ADAMTS17: variants seen among roughly 807,000 people sequenced by gnomAD.
ADAMTS17 encodes ADAM metallopeptidase with thrombospondin type 1 motif 17, also known as A disintegrin and metalloproteinase with thrombospondin motifs 17.
A neutral mutation model predicts 141.5 loss-of-function variants in ADAMTS17; 113 were observed. The observed-to-expected ratio is 0.80, with a 90% CI of 0.69 to 0.93. ADAMTS17 has a LOEUF of 0.93. ADAMTS17 is among the 40% of genes least tolerant of loss of function. The pLI is 0.00. For missense variants in ADAMTS17, 1,659 were observed against 1,517.9 expected, an observed-to-expected ratio of 1.09 and a Z score of -1.54; for synonymous variants, 768 against 630.6, an observed-to-expected ratio of 1.22 and a Z score of -3.27.
chr15:100,340,609 C>T (rs2046333854), intron 2 of ADAMTS17, among the ~76,000 whole-genome samples: 1 of 152,170 alleles, frequency 6.6e-6, no homozygotes, highest in South Asian at 2.1e-4. Context: ...CCCCCACCTC[C>T]AAGTCCAAGA....
At position 100,133,255 on chromosome 15, in the gene ADAMTS17, G is replaced by C. The variant is rs1400209238; in HGVS notation, c.1534C>G (p.Leu512Val). The C allele has an allele frequency of 1.3e-6, 2 of 1,600,004 alleles. No individual in the cohort carries two copies. The highest frequency in any genetic ancestry group is 1.7e-6 in the Non-Finnish European group (2 of 1,172,196). Residue 512 changes from leucine (L) to valine (V), a missense_variant, in exon 11 of 22, where the codon CTG becomes GTG. Physicochemically the swap from Leu to Val is conservative, Grantham distance 32. Coordinates refer to ENST00000268070, the MANE Select transcript of ADAMTS17 (RefSeq NM_139057.4). ...TCGGTGCCATCCAGGGGAGGGTCCA[G>C]CTTGGTCTTGCAGGATGTGTCTCCT... ...VEGDTSCKTK[L>V]DPPLDGTECG...
chr15:100,238,414 T>C lies in ADAMTS17; in HGVS notation c.1075+15722A>G, dbSNP rs373044973. Among the ~76,000 whole-genome samples, 84 of 152,320 alleles carry C rather than the reference T, an allele frequency of 5.5e-4. 1 individual carries two copies. The South Asian group carries it at 0.016, about 28-fold the overall frequency. ...AACGGCCTTTGTTTGGTGCCTTGAGTGTCCCCAGGGCTGGAGCCGGGCCTG... is the reference window on the plus strand; with the variant it reads ...AACGGCCTTTGTTTGGTGCCTTGAGCGTCCCCAGGGCTGGAGCCGGGCCTG... On this transcript the variant is annotated intron_variant, in intron 7 of 21. Transcript: ENST00000268070.
rs55746146 is a variant in ADAMTS17 at position 100,337,888 on chromosome 15, C to T, written c.450+3151G>A. Among the ~76,000 whole-genome samples the T allele has an allele frequency of 3.9e-3, 593 of 152,334 alleles. 7 individuals carry two copies. Among genetic ancestry groups the T allele is most frequent in the African/African-American group, 0.013 (545 of 41,570 alleles). ...CTACCTATGAAGTTCAGCCTGATTC[C>T]AATTCCACTGGCCTTCCACGATCCA... is the stretch of plus-strand genomic sequence containing the variant. On this transcript the variant is annotated intron_variant, in intron 2 of 21. Transcript: ENST00000268070.
chr15:100,097,751 C>T (rs1049276894), intron 14 of ADAMTS17, among the ~76,000 whole-genome samples: 2 of 152,260 alleles, frequency 1.3e-5, no homozygotes, highest in African/African-American at 4.8e-5. Context: ...AATCGGCTCC[C>T]AGGAGATGCT....
intron 14 of ADAMTS17, among the ~76,000 whole-genome samples, chr15:100,101,678 G>A (rs1200115443): frequency 1.3e-5 from 2 of 152,192 alleles, no homozygotes; most frequent in South Asian, 2.1e-4. Flanking sequence ...TGTGTGTTCA[G>A]TAAGAGCATA....
At chr15:100,291,109 C>T (rs1435579058) in intron 3 of ADAMTS17, among the ~76,000 whole-genome samples, 1 of 152,162 alleles carries the variant, frequency 6.6e-6, no homozygotes, top group Non-Finnish European at 1.5e-5. Context: ...ATGTATCTGA[C>T]ACAGATCTAA....
chr15:100,012,493 C>T (rs1223126163), intron 18 of ADAMTS17, among the ~76,000 whole-genome samples: 2 of 152,276 alleles, frequency 1.3e-5, no homozygotes, highest in African/African-American at 4.8e-5. Context: ...CCAACGTTAT[C>T]TTCTAGAATT....
chr15:100,047,219 A>G (rs6598291), intron 18 of ADAMTS17, among the ~76,000 whole-genome samples: 28,209 of 123,790 alleles, frequency 0.23, 3,961 homozygotes, highest in East Asian at 0.39. Context: ...CTCAAACCCT[A>G]TCTCCTGATA....
chr15:100,205,284 A>G (rs2041492854), intron 7 of ADAMTS17, among the ~76,000 whole-genome samples: 1 of 152,168 alleles, frequency 6.6e-6, no homozygotes, highest in Non-Finnish European at 1.5e-5. Flanking sequence ...AGTTAAGGGT[A>G]AGTGGAGGAA....
At chr15:100,306,180 G>A in intron 3 of ADAMTS17, 1 of 303,030 alleles carries the variant, frequency 3.3e-6, no homozygotes, top group South Asian at 3.1e-5. Context: ...AGTTATAGAG[G>A]TGTGAAGAGG....
intron 3 of ADAMTS17, 68 bp downstream of exon 3, chr15:100,330,821 T>C (rs2046028085): frequency 1.9e-6 from 3 of 1,588,990 alleles, no homozygotes; most frequent in African/African-American, 1.3e-5. Context: ...TTCAGTGCAC[T>C]TGGAGACACA....
intron 7 of ADAMTS17, among the ~76,000 whole-genome samples, chr15:100,248,381 G>A (rs1285148686): frequency 6.6e-6 from 1 of 152,198 alleles, no homozygotes. Flanking sequence ...CAGGCTTGGA[G>A]AGAAGCGGCT....
chr15:100,251,414 G>C (rs541501956), intron 7 of ADAMTS17, among the ~76,000 whole-genome samples: 2 of 152,336 alleles, frequency 1.3e-5, no homozygotes, highest in Admixed American at 1.3e-4. Context: ...TATAGGTAGA[G>C]AGAGGACCTT....
chr15:100,293,686 C>T (rs953557474), intron 3 of ADAMTS17, among the ~76,000 whole-genome samples: 1 of 151,996 alleles, frequency 6.6e-6, no homozygotes, highest in Non-Finnish European at 1.5e-5. Context: ...CCAGGCTACA[C>T]AGCTATTACT....
intron 2 of ADAMTS17, among the ~76,000 whole-genome samples, chr15:100,334,281 C>T (rs767012915): frequency 2.6e-5 from 4 of 152,192 alleles, no homozygotes; most frequent in Non-Finnish European, 4.4e-5. Flanking sequence ...TAACAGAGAA[C>T]GTCTGTCCTG....
chr15:100,126,004 T>G (rs539073957), intron 12 of ADAMTS17: 4 of 152,362 alleles, frequency 2.6e-5, no homozygotes, highest in African/African-American at 7.2e-5. Flanking sequence ...GACAACCTTG[T>G]GAAATCTCTA....
At chr15:100,322,611 G>C (rs183035108) in intron 3 of ADAMTS17, among the ~76,000 whole-genome samples, 1 of 152,138 alleles carries the variant, frequency 6.6e-6, no homozygotes, top group Non-Finnish European at 1.5e-5. Context: ...GACCAAACCC[G>C]AAGATGACCC....
intron 15 of ADAMTS17, among the ~76,000 whole-genome samples, chr15:100,092,289 A>T (rs2035518716): frequency 6.6e-6 from 1 of 152,214 alleles, no homozygotes; most frequent in Admixed American, 6.5e-5. Context: ...TAAGCATTTA[A>T]TGGCCTCTGA....
chr15:99,983,721 GA>G (rs1281030431), intron 20 of ADAMTS17, among the ~76,000 whole-genome samples: 1 of 152,170 alleles, frequency 6.6e-6, no homozygotes, highest in Non-Finnish European at 1.5e-5. Context: ...AAGATGGGGT[GA>G]AATCATGCAA....
Sources: allele counts gnomAD v4.1 joint callset (sites outside exome capture counted in the v4.1 genomes callset), GRCh38; gene constraint gnomAD v4.1.1; transcripts MANE v1.5; gene names NCBI Gene and HGNC (gene_info 2026-07-23, HGNC 2026-07-21).